Variants in ZNF568 observed in about 807,000 individuals in gnomAD.
The protein encoded by ZNF568 is p53 inhibitor of SCO2 activation.
In ZNF568, 11 loss-of-function variants were observed where a neutral mutation model predicts 18.1. The ratio of observed to expected loss-of-function variants is 0.61; its 90% confidence interval spans 0.38 to 1.00. The LOEUF is 1.00. Among genes scored for constraint, ZNF568 ranks in the 50% least tolerant of loss-of-function variants. The probability of loss-of-function intolerance (pLI) is 0.01; values close to 1 mark genes in which losing one functional copy is unlikely to be tolerated. For synonymous variants in ZNF568, 213 were observed against 246.6 expected (o/e 0.86, Z 1.28); for missense variants, 639 against 768.2 (o/e 0.83, Z 1.99).
chr19:36,927,920 T>A (rs1185257789), intron 4 of ZNF568, among the ~76,000 whole-genome samples: 1 of 94,606 alleles, frequency 1.1e-5, no homozygotes, highest in Admixed American at 1.1e-4. Flanking sequence ...TTTTTTTTTT[T>A]TTTTTTTTTT....
intron 6 of ZNF568, among the ~76,000 whole-genome samples, chr19:36,965,766 A>C (rs1001421192): frequency 7.2e-6 from 1 of 138,402 alleles, no homozygotes; most frequent in African/African-American, 2.8e-5. Flanking sequence ...CAATGGCGTG[A>C]TCTCGGCTCA....
Position 36,937,160 on chromosome 19 carries a change from C to A in ZNF568, c.276C>A (p.Thr92=). Residue 92 remains threonine (T), a synonymous_variant, in exon 6 of 7, where the codon ACC becomes ACA. Coordinates refer to ENST00000333987, the MANE Select transcript of ZNF568 (RefSeq NM_198539.4). ...TTCTTGTAATAGGCTGTCAAGTCACCAAACCGGATGTGATATTCAAGTTGG... is the reference window on the plus strand; with the variant it reads ...TTCTTGTAATAGGCTGTCAAGTCACAAAACCGGATGTGATATTCAAGTTGG... ...SNLVTVGCQV[T]KPDVIFKLEQ... The A allele has an allele frequency of 6.2e-7, 1 of 1,613,856 alleles. No homozygotes were observed. Among genetic ancestry groups the A allele is most frequent in the Non-Finnish European group, 8.5e-7 (1 of 1,179,848 alleles).
In ZNF568 at chr19:36,952,123, G is replaced by A. The variant is rs934173844; in HGVS notation, c.*1035G>A. 9 of 701,190 alleles carry A rather than the reference G, an allele frequency of 1.3e-5. No individual in the cohort carries two copies. The highest frequency in any genetic ancestry group is 1.4e-5 in the Non-Finnish European group (8 of 583,764). 43.4% of individuals were successfully genotyped at this position (701,190 alleles called of 1,614,324 possible). A position where few individuals can be genotyped will look rare whatever the true frequency, so the allele number is the denominator to read the frequency against. Reference sequence around the variant, plus strand: ...CATCCTATAGAAACTCACAAATAATGCATAAGAAATATATATATAATATAT... The same window carrying A: ...CATCCTATAGAAACTCACAAATAATACATAAGAAATATATATATAATATAT... On this transcript the variant is annotated 3_prime_UTR_variant, in exon 7 of 7. Coordinates refer to ENST00000333987, the MANE Select transcript of ZNF568 (RefSeq NM_198539.4).
At chr19:36,982,889 G>A (rs1178424106), downstream of ZNF568, among the ~76,000 whole-genome samples, 1 of 152,142 alleles carries the variant, frequency 6.6e-6, no homozygotes, top group Non-Finnish European at 1.5e-5. Context: ...AACTTGCTTA[G>A]AATTTTAAAT....
At chr19:36,975,468 C>A (rs2074275799) in intron 7 of ZNF568, among the ~76,000 whole-genome samples, 1 of 151,840 alleles carries the variant, frequency 6.6e-6, no homozygotes, top group East Asian at 1.9e-4. Flanking sequence ...TCACTGCAAC[C>A]TCCGCCTCCC....
At chr19:36,947,724 C>T (rs1387381433) in intron 6 of ZNF568, among the ~76,000 whole-genome samples, 1 of 152,170 alleles carries the variant, frequency 6.6e-6, no homozygotes, top group Non-Finnish European at 1.5e-5. Flanking sequence ...GTCTCAAATT[C>T]CTGGGCTTTA....
At chr19:36,976,953 T>C (rs967751667) in intron 7 of ZNF568, among the ~76,000 whole-genome samples, 4 of 152,202 alleles carry the variant, frequency 2.6e-5, no homozygotes, top group Admixed American at 1.3e-4. Context: ...CTACATCACC[T>C]ACTGACTTCC....
intron 7 of ZNF568, chr19:36,976,317 T>C (rs183118474): frequency 1.3e-5 from 2 of 152,350 alleles, no homozygotes; most frequent in East Asian, 3.9e-4. Flanking sequence ...TAGTTGGACT[T>C]TCTTTACAGA....
chr19:36,925,944 G>A (rs1298123134), intron 4 of ZNF568, among the ~76,000 whole-genome samples: 1 of 152,116 alleles, frequency 6.6e-6, no homozygotes, highest in Non-Finnish European at 1.5e-5. Flanking sequence ...TGGTTTCCTA[G>A]GGACGACTGT....
At chr19:36,960,640 A>C (rs1311354507) in intron 6 of ZNF568, among the ~76,000 whole-genome samples, 3 of 151,854 alleles carry the variant, frequency 2.0e-5, no homozygotes, top group East Asian at 3.9e-4. Flanking sequence ...AGGCAGGAGA[A>C]TCACTTGAAT....
intron 4 of ZNF568, chr19:36,931,549 G>T (rs1027612735): frequency 1.3e-5 from 2 of 151,394 alleles, no homozygotes; most frequent in South Asian, 2.1e-4. Flanking sequence ...TTTATTTTTC[G>T]TAGAGATGGA....
In ZNF568 at chr19:36,951,419, G is replaced by A; in HGVS notation, c.*331G>A. 5.6e-6 allele frequency: 1 copy of A among 178,914 alleles called. No homozygotes were observed. The highest frequency in any genetic ancestry group is 1.2e-5 in the Non-Finnish European group (1 of 86,292). The allele number at this position is 178,914 out of a possible 1,614,324, so 11.1% of individuals were successfully genotyped here. A position where few individuals can be genotyped will look rare whatever the true frequency, so the allele number is the denominator to read the frequency against. On this transcript the variant is annotated 3_prime_UTR_variant, in exon 7 of 7. Coordinates refer to ENST00000333987, the MANE Select transcript of ZNF568 (RefSeq NM_198539.4). ...AAAGAATAGAGGAAACACCCTCACT[G>A]TATGATATAAAGTTATAGTCATTTA...
intron 3 of ZNF568, among the ~76,000 whole-genome samples, chr19:36,923,905 A>G (rs2146269170): frequency 6.6e-6 from 1 of 151,988 alleles, no homozygotes; most frequent in South Asian, 2.1e-4. Context: ...GATACCACTC[A>G]TTTGTCTGCT....
chr19:36,997,579 G>C (rs1363753), downstream of ZNF568: 855,092 of 1,567,882 alleles, frequency 0.55, 236,438 homozygotes, highest in African/African-American at 0.7. Context: ...GCCCTTTGGT[G>C]GTGGCTCAGA....
downstream of ZNF568, among the ~76,000 whole-genome samples, chr19:36,981,828 T>C (rs2074333756): frequency 6.6e-6 from 1 of 151,862 alleles, no homozygotes; most frequent in Non-Finnish European, 1.5e-5. Context: ...GAGCTATGAT[T>C]ATGCCACTAC....
Position 36,936,756 on chromosome 19 carries a change from C to A in ZNF568, c.146C>A (p.Thr49Lys), listed in dbSNP as rs1413358681. 1 of 1,612,954 alleles carries A rather than the reference C, an allele frequency of 6.2e-7. No individual in the cohort carries two copies. The highest frequency in any genetic ancestry group is 1.3e-5 in the African/African-American group (1 of 74,904). ...EDTTRPLETV[T>K]FKDVAVDLTQ... Reference sequence around the variant, plus strand: ...ATTATGTTTTTACAGGAAACAGTGACATTTAAGGATGTGGCTGTTGACCTT... The same window carrying A: ...ATTATGTTTTTACAGGAAACAGTGAAATTTAAGGATGTGGCTGTTGACCTT... Residue 49 changes from threonine (T) to lysine (K), a missense_variant, in exon 5 of 7, where the codon ACA (threonine) becomes AAA (lysine). Transcript: ENST00000333987.
chr19:36,930,789 G>A (rs182552028), intron 4 of ZNF568, among the ~76,000 whole-genome samples: 36 of 152,240 alleles, frequency 2.4e-4, no homozygotes, highest in African/African-American at 8.4e-4. Context: ...AGGAAACTGA[G>A]ACTCAAGTTT....
chr19:36,997,694 T>C, downstream of ZNF568: 1 of 952,416 alleles, frequency 1.0e-6, no homozygotes. Context: ...CATCAAAGAA[T>C]TCATTCAGGA....
At chr19:36,960,353 G>T (rs1478887116) in intron 6 of ZNF568, among the ~76,000 whole-genome samples, 1 of 151,698 alleles carries the variant, frequency 6.6e-6, no homozygotes, top group Non-Finnish European at 1.5e-5. Context: ...CCTGACCTCA[G>T]GTGATCCACC....
Sources: gnomAD v4.1 joint callset for allele counts (sites outside exome capture counted in the v4.1 genomes callset) on GRCh38, gnomAD v4.1.1 for gene constraint, MANE v1.5 for transcripts, NCBI Gene and HGNC (gene_info 2026-07-23, HGNC 2026-07-21) for gene names.